KLF12: variants seen among roughly 807,000 people sequenced by gnomAD.
KLF12 encodes KLF transcription factor 12.
A neutral mutation model predicts 37.8 loss-of-function variants in KLF12; 9 were observed. The observed-to-expected ratio is 0.24, with a 90% CI of 0.14 to 0.42. KLF12 has a LOEUF of 0.42. KLF12 is among the 10% of genes least tolerant of loss of function. KLF12 has a pLI of 1.00. For synonymous variants in KLF12, 208 were observed against 202.1 expected (o/e 1.03, Z -0.25); for missense variants, 411 against 516.0 (o/e 0.80, Z 1.97).
chr13:74,270,068 G>T, the KLF12 span, among the ~76,000 whole-genome samples: 1 of 152,150 alleles, frequency 6.6e-6, no homozygotes, highest in African/African-American at 2.4e-5. Context: ...TCCTGAGCCT[G>T]GTTCTTCAGT....
chr13:73,926,173 T>C (rs949664562), intron 3 of KLF12, among the ~76,000 whole-genome samples: 1 of 152,208 alleles, frequency 6.6e-6, no homozygotes, highest in Non-Finnish European at 1.5e-5. Context: ...CACTATCGAA[T>C]AGCATTGCAT....
chr13:74,047,071 C>T lies in KLF12; in HGVS notation c.-31-52018G>A, dbSNP rs370840256. Among the ~76,000 whole-genome samples the T allele has an allele frequency of 3.6e-4, 55 of 152,190 alleles. 1 individual carries two copies. The South Asian group carries it at 0.011, about 31-fold the overall frequency. Reference sequence around the variant, plus strand: ...GAAATCTAAATGGTATATAATGCAACTGGATGTATATTTATCTTCCGAGAA... The same window carrying T: ...GAAATCTAAATGGTATATAATGCAATTGGATGTATATTTATCTTCCGAGAA... On this transcript the variant is annotated intron_variant, in intron 1 of 7. Coordinates refer to ENST00000377669, the MANE Select transcript of KLF12 (RefSeq NM_007249.5).
the KLF12 span, among the ~76,000 whole-genome samples, chr13:74,241,813 T>C: frequency 1.3e-5 from 2 of 152,104 alleles, no homozygotes; most frequent in Non-Finnish European, 2.9e-5. Context: ...TCGCGCACGG[T>C]GCATGCACCC....
At chr13:74,033,068 C>T (rs1297522359) in intron 1 of KLF12, among the ~76,000 whole-genome samples, 3 of 152,002 alleles carry the variant, frequency 2.0e-5, no homozygotes, top group Non-Finnish European at 4.4e-5. Flanking sequence ...CCATCTTTTC[C>T]TCTTGAAATA....
At chr13:73,995,254 A>C (rs1009546628) in intron 1 of KLF12, among the ~76,000 whole-genome samples, 1 of 152,168 alleles carries the variant, frequency 6.6e-6, no homozygotes, top group African/African-American at 2.4e-5. Context: ...TAGAGGGAAA[A>C]ACACCAGCTA....
At chr13:74,037,502 A>G (rs1042045480) in intron 1 of KLF12, among the ~76,000 whole-genome samples, 1 of 152,144 alleles carries the variant, frequency 6.6e-6, no homozygotes, top group Non-Finnish European at 1.5e-5. Context: ...ACTCCAATTC[A>G]TTGCGTATGA....
intron 2 of KLF12, among the ~76,000 whole-genome samples, chr13:73,973,704 T>C (rs1424284434): frequency 6.6e-6 from 1 of 150,848 alleles, no homozygotes. Context: ...CAGGTAAACA[T>C]AGCACAGGAC....
At chr13:73,706,319 G>C (rs913920909) in intron 7 of KLF12, among the ~76,000 whole-genome samples, 9 of 152,020 alleles carry the variant, frequency 5.9e-5, no homozygotes, top group African/African-American at 2.2e-4. Flanking sequence ...TCTAAATATA[G>C]GAAAAAAGAT....
chr13:73,908,410 A>AAAAAAAC (rs1555323733), intron 3 of KLF12, among the ~76,000 whole-genome samples: 3 of 150,142 alleles, frequency 2.0e-5, no homozygotes, highest in Non-Finnish European at 4.4e-5. Flanking sequence ...TCAAAAAAAA[A>AAAAAAAC]AAACAAACAA....
In KLF12 at chr13:73,690,835, C is replaced by T. The variant is rs142154228; in HGVS notation, c.*4655G>A. 5 of 152,666 alleles carry T rather than the reference C, an allele frequency of 3.3e-5. No homozygotes were observed. Among genetic ancestry groups the T allele is most frequent in the East Asian group, 1.9e-4 (1 of 5,180 alleles). 9.5% of individuals were successfully genotyped at this position (152,666 alleles called of 1,614,324 possible). On this transcript the variant is annotated 3_prime_UTR_variant, in exon 8 of 8. Transcript: ENST00000377669. ...ACTTTTTCCACTATCACATATGTTA[C>T]GAATACAGTAAAATATCTTCACTCT... is the stretch of plus-strand genomic sequence containing the variant.
At chr13:73,971,427 C>T (rs1308876977) in intron 2 of KLF12, among the ~76,000 whole-genome samples, 1 of 152,104 alleles carries the variant, frequency 6.6e-6, no homozygotes, top group East Asian at 1.9e-4. Flanking sequence ...ACAAATGATC[C>T]CTGTTCTTAG....
chr13:73,824,422 C>T (rs1476467136), intron 4 of KLF12, among the ~76,000 whole-genome samples: 1 of 152,156 alleles, frequency 6.6e-6, no homozygotes, highest in African/African-American at 2.4e-5. Context: ...GTCTCCTCTG[C>T]TAAAATCATG....
chr13:73,827,561 TTTTA>T (rs1413524024), intron 4 of KLF12, among the ~76,000 whole-genome samples: 2 of 152,142 alleles, frequency 1.3e-5, no homozygotes, highest in East Asian at 3.9e-4. Flanking sequence ...TTATTTCTAT[TTTTA>T]TTTATTTTTT....
At chr13:74,061,734 A>G (rs1384537800) in intron 1 of KLF12, among the ~76,000 whole-genome samples, 1 of 152,228 alleles carries the variant, frequency 6.6e-6, no homozygotes, top group Admixed American at 6.5e-5. Flanking sequence ...AAAAGTCTTT[A>G]ATTTGAAGGA....
chr13:73,806,267 C>T (rs759307554), intron 5 of KLF12, among the ~76,000 whole-genome samples: 36 of 152,012 alleles, frequency 2.4e-4, no homozygotes, highest in Non-Finnish European at 2.5e-4. Context: ...CCACGCTCGG[C>T]TAATTTTTCT....
the KLF12 span, among the ~76,000 whole-genome samples, chr13:74,146,757 T>C: frequency 6.6e-6 from 1 of 152,238 alleles, no homozygotes; most frequent in East Asian, 1.9e-4. Flanking sequence ...ATTTTCTCAT[T>C]TAACCCTCAT....
intron 2 of KLF12, among the ~76,000 whole-genome samples, chr13:73,983,066 A>G (rs9600210): frequency 0.028 from 4,211 of 152,166 alleles, 112 homozygotes; most frequent in East Asian, 0.09. Flanking sequence ...CATTGAAAAG[A>G]TCTCTATAAG....
In KLF12 at chr13:73,933,290, C is replaced by T. The variant is rs537044482; in HGVS notation, c.123+10691G>A. Among the ~76,000 whole-genome samples the T allele has an allele frequency of 5.9e-5, 9 of 152,228 alleles. No individual in the cohort carries two copies. The South Asian group carries it at 1.2e-3, about 21-fold the overall frequency. On this transcript the variant is annotated intron_variant, in intron 3 of 7. Transcript: ENST00000377669. ...TTGCTGTTATTTAGTGTTTGCATAACGTATCTTTTTCTATCCTTTCACTTT... is the reference window on the plus strand; with the variant it reads ...TTGCTGTTATTTAGTGTTTGCATAATGTATCTTTTTCTATCCTTTCACTTT...
chr13:73,722,479 T>C (rs546968483), intron 6 of KLF12, among the ~76,000 whole-genome samples: 1 of 152,302 alleles, frequency 6.6e-6, no homozygotes, highest in South Asian at 2.1e-4. Context: ...AAAAGCAGTG[T>C]TTAGATACAT....
Sources: allele counts gnomAD v4.1 joint callset (sites outside exome capture counted in the v4.1 genomes callset), GRCh38; gene constraint gnomAD v4.1.1; transcripts MANE v1.5; gene names NCBI Gene and HGNC (gene_info 2026-07-23, HGNC 2026-07-21).